ALPK1: variants seen among roughly 807,000 people sequenced by gnomAD.
The protein encoded by ALPK1 is alpha-protein kinase 1.
A neutral mutation model predicts 120.6 loss-of-function variants in ALPK1; 110 were observed. That is an observed-to-expected ratio of 0.91 (90% confidence interval 0.78 to 1.07). ALPK1 has a LOEUF of 1.07. Ranked by LOEUF, ALPK1 falls within the 50% of genes least tolerant of loss-of-function variation. The pLI is 0.00. For missense variants in ALPK1, 1,498 were observed against 1,483.9 expected (o/e 1.01, Z -0.16); for synonymous variants, 582 against 560.3 (o/e 1.04, Z -0.55).
intron 2 of ALPK1, chr4:112,356,526 C>A: frequency 1.2e-6 from 1 of 858,710 alleles, no homozygotes; most frequent in Non-Finnish European, 2.0e-6. Flanking sequence ...CTCCTACCGG[C>A]CTGAGGTGTG....
intron 5 of ALPK1, among the ~76,000 whole-genome samples, chr4:112,415,797 C>T (rs1211681907): frequency 6.6e-6 from 1 of 152,160 alleles, no homozygotes; most frequent in Non-Finnish European, 1.5e-5. Flanking sequence ...GCACAGAACA[C>T]CCTCCCGGTT....
rs758390294 is a variant in ALPK1 at position 112,429,225 on chromosome 4, A to G, written c.872A>G (p.Tyr291Cys). 1.2e-5 allele frequency: 19 copies of G among 1,612,814 alleles called. No individual in the cohort carries two copies. The highest frequency in any genetic ancestry group is 4.5e-5 in the East Asian group (2 of 44,894). ...AAGCTGGCAGCTGCCTTCAGTGCCT[A>G]TACGCCGCTCTTCGTGCTCACAGCT... Reference protein sequence around the residue: ...ACKLAAAFSAYTPLFVLTAVN... With the variant: ...ACKLAAAFSACTPLFVLTAVN... Residue 291 changes from tyrosine to cysteine, a missense_variant, in exon 10 of 16, where the codon TAT becomes TGT. Physicochemically the swap from Tyr to Cys is radical, Grantham distance 194 (BLOSUM62 -2). Transcript: ENST00000650871.
chr4:112,427,878 G>C, intron 9 of ALPK1: 1 of 406,686 alleles, frequency 2.5e-6, no homozygotes. Flanking sequence ...CACTCAGAGA[G>C]TGCTCAGAAA....
chr4:112,435,386 G>A, intron 12 of ALPK1, 85 bp downstream of exon 12: 1 of 1,356,928 alleles, frequency 7.4e-7, no homozygotes, highest in Non-Finnish European at 1.0e-6. Flanking sequence ...AGACTTCGTA[G>A]GGGCTGAAAA....
intron 4 of ALPK1, among the ~76,000 whole-genome samples, chr4:112,387,895 C>T (rs573612866): frequency 6.6e-6 from 1 of 152,182 alleles, no homozygotes; most frequent in East Asian, 1.9e-4. Flanking sequence ...AAGCCTAGTA[C>T]CCATTAGTTA....
Position 112,442,547 on chromosome 4 carries a change from C to T in ALPK1, c.*1337C>T, listed in dbSNP as rs566834284. 3 of 151,620 alleles carry T rather than the reference C, an allele frequency of 2.0e-5. No homozygotes were observed. The highest frequency in any genetic ancestry group is 6.6e-5 in the Admixed American group (1 of 15,228). 9.4% of individuals were successfully genotyped at this position (151,620 alleles called of 1,614,324 possible). ...TGAATACCTGGGTGATGAAGTAATT[C>T]GCACAACAAACCCCCATGACACAAA... On this transcript the variant is annotated 3_prime_UTR_variant, in exon 16 of 16. Transcript: ENST00000650871.
intron 2 of ALPK1, among the ~76,000 whole-genome samples, chr4:112,335,197 G>T (rs868344913): frequency 6.6e-6 from 1 of 151,594 alleles, no homozygotes; most frequent in Admixed American, 6.6e-5. Flanking sequence ...CGGAGGTTGC[G>T]GTGAGTCAAG....
chr4:112,343,507 T>C (rs946557475), intron 2 of ALPK1: 9 of 152,210 alleles, frequency 5.9e-5, no homozygotes, highest in African/African-American at 2.2e-4. Context: ...TCAAAGAGAA[T>C]GCACTGAAAT....
At chr4:112,411,701 C>T in intron 4 of ALPK1, 126 bp from the exon 5 acceptor site, 2 of 865,468 alleles carry the variant, frequency 2.3e-6, no homozygotes, top group Non-Finnish European at 3.6e-6. Context: ...AGCTGCCTAA[C>T]AAAGTATTTT....
chr4:112,377,040 A>G (rs1264864635), intron 2 of ALPK1, among the ~76,000 whole-genome samples: 1 of 152,188 alleles, frequency 6.6e-6, no homozygotes, highest in East Asian at 1.9e-4. Context: ...AAATCTCTCA[A>G]TTGTATATAC....
chr4:112,338,731 C>T (rs776131025), intron 2 of ALPK1, among the ~76,000 whole-genome samples: 1 of 152,168 alleles, frequency 6.6e-6, no homozygotes, highest in Admixed American at 6.5e-5. Flanking sequence ...ATTACATTAA[C>T]TATAAATAAA....
intron 2 of ALPK1, among the ~76,000 whole-genome samples, chr4:112,326,147 C>A (rs899206576): frequency 6.6e-6 from 1 of 152,184 alleles, no homozygotes; most frequent in Non-Finnish European, 1.5e-5. Context: ...TTTCACCAGT[C>A]AGTTTTTCCT....
chr4:112,355,393 A>C (rs1463652178), intron 2 of ALPK1, among the ~76,000 whole-genome samples: 1 of 152,180 alleles, frequency 6.6e-6, no homozygotes, highest in African/African-American at 2.4e-5. Flanking sequence ...CGACACGAGC[A>C]GAAGCTGGAC....
At chr4:112,336,269 G>A (rs1729616796) in intron 2 of ALPK1, among the ~76,000 whole-genome samples, 2 of 152,288 alleles carry the variant, frequency 1.3e-5, no homozygotes, top group South Asian at 4.1e-4. Flanking sequence ...GTGGAGATAG[G>A]TGAGGAAGTA....
At chr4:112,386,216 C>G (rs1352882743) in intron 4 of ALPK1, among the ~76,000 whole-genome samples, 1 of 152,222 alleles carries the variant, frequency 6.6e-6, no homozygotes, top group African/African-American at 2.4e-5. Context: ...TCCTCCCCTC[C>G]TCCCTGACTC....
At chr4:112,429,958 G>C (rs1734462267) in intron 10 of ALPK1, among the ~76,000 whole-genome samples, 1 of 151,932 alleles carries the variant, frequency 6.6e-6, no homozygotes, top group Non-Finnish European at 1.5e-5. Context: ...TCTGAGGTTG[G>C]TATCCAAAAA....
rs1420827719 is a variant in ALPK1 at position 112,438,519 on chromosome 4, T to C, written c.3224T>C (p.Leu1075Pro). 1 of 1,613,664 alleles carries C rather than the reference T, an allele frequency of 6.2e-7. No individual in the cohort carries two copies. Among genetic ancestry groups the C allele is most frequent in the African/African-American group, 1.3e-5 (1 of 74,902 alleles). The change falls in exon 13 of 16, where the codon CTC (leucine) becomes CCC (proline). Residue 1075 changes from leucine to proline, a missense_variant. Physicochemically the swap from Leu to Pro is moderately conservative, Grantham distance 98. Transcript: ENST00000650871. ...VGKDYKEQKG[L>P]WHHFTDVERQ... The stretch of plus-strand genomic sequence containing the variant: ...AAAGACTATAAGGAGCAGAAGGGGC[T>C]CTGGCACCACTTCACTGATGTGGAG...
chr4:112,299,649 T>G (rs375242018), intron 1 of ALPK1, among the ~76,000 whole-genome samples: 2 of 152,294 alleles, frequency 1.3e-5, no homozygotes, highest in East Asian at 3.9e-4. Context: ...CTTTGAATTT[T>G]ACTGGGCCTT....
At chr4:112,355,989 G>A (rs1455547118) in intron 2 of ALPK1, 1 of 622,128 alleles carries the variant, frequency 1.6e-6, no homozygotes, top group East Asian at 2.8e-5. Context: ...GATTCTAGAA[G>A]AGAACAGCGT....
Sources: gnomAD v4.1 joint callset for allele counts (sites outside exome capture counted in the v4.1 genomes callset) on GRCh38, gnomAD v4.1.1 for gene constraint, MANE v1.5 for transcripts, NCBI Gene and HGNC (gene_info 2026-07-23, HGNC 2026-07-21) for gene names.